MYO16: variants seen among roughly 807,000 people sequenced by gnomAD.
The protein encoded by MYO16 is unconventional myosin-XVI.
A neutral mutation model predicts 205.3 loss-of-function variants in MYO16; 94 were observed. That is an observed-to-expected ratio of 0.46 (90% CI 0.39 to 0.54). The LOEUF (loss-of-function observed/expected upper bound fraction) is 0.54. Ranked by LOEUF, MYO16 falls within the 20% of genes least tolerant of loss-of-function variation. MYO16 has a pLI of 0.00. For missense variants in MYO16, 2,315 were observed against 2,387.5 expected (o/e 0.97, Z 0.63); for synonymous variants, 988 against 954.0 (o/e 1.04, Z -0.66).
chr13:108,793,879 C>T (rs146839381), intron 6 of MYO16, among the ~76,000 whole-genome samples: 10 of 152,100 alleles, frequency 6.6e-5, no homozygotes, highest in Non-Finnish European at 8.8e-5. Context: ...CACACGCATG[C>T]GTATGTTCAT....
At chr13:109,169,451 TTG>T (rs1878839249) in intron 33 of MYO16, among the ~76,000 whole-genome samples, 1 of 152,144 alleles carries the variant, frequency 6.6e-6, no homozygotes, top group Non-Finnish European at 1.5e-5. Context: ...AACAATAAGA[TTG>T]AAAATTTTCT....
At chr13:108,930,208 A>G (rs1882194958) in intron 16 of MYO16, among the ~76,000 whole-genome samples, 1 of 152,204 alleles carries the variant, frequency 6.6e-6, no homozygotes, top group Admixed American at 6.5e-5. Context: ...GTTTATTTGT[A>G]AAAAGCAAAA....
rs540287357 is a variant in MYO16, at chr13:109,022,725, A to ATG, written c.2796+2815_2796+2816insGT. ...ATATATTATATATACGCATATAAACATATGTATATATTATATATATGCATA... is the reference window on the plus strand; with the variant it reads ...ATATATTATATATACGCATATAAACATGTATGTATATATTATATATATGCATA... On this transcript the variant is annotated intron_variant, in intron 23 of 34. Transcript: ENST00000457511. Among the ~76,000 whole-genome samples, 181 of 56,968 alleles carry ATG rather than the reference A, an allele frequency of 3.2e-3. 22 individuals carry two copies. In the East Asian group the frequency reaches 0.065, roughly 20 times the overall value. 37.4% of individuals were successfully genotyped at this position (56,968 alleles called of 152,430 possible).
At chr13:109,158,364 C>T (rs931202258) in intron 32 of MYO16, among the ~76,000 whole-genome samples, 1 of 152,188 alleles carries the variant, frequency 6.6e-6, no homozygotes, top group Non-Finnish European at 1.5e-5. Context: ...AGAGAAGTTC[C>T]TCTTCTCGCC....
intron 15 of MYO16, among the ~76,000 whole-genome samples, chr13:108,909,273 A>ATATTT (rs10641666): frequency 0.13 from 20,447 of 151,892 alleles, 2,520 homozygotes; most frequent in African/African-American, 0.32. Flanking sequence ...GCATTGGGTT[A>ATATTT]TATTTTATTT....
At chr13:108,723,848 T>C (rs1051970005) in intron 3 of MYO16, among the ~76,000 whole-genome samples, 2 of 151,842 alleles carry the variant, frequency 1.3e-5, no homozygotes, top group Admixed American at 6.6e-5. Flanking sequence ...CTTTTCAATA[T>C]CTATAAAAAA....
At chr13:109,088,661 G>T (rs1021754520) in intron 27 of MYO16, among the ~76,000 whole-genome samples, 4 of 152,208 alleles carry the variant, frequency 2.6e-5, no homozygotes, top group Non-Finnish European at 4.4e-5. Flanking sequence ...TGCGGATGCG[G>T]TGCCTGAGAG....
chr13:108,781,563 C>A (rs979020887), intron 4 of MYO16, among the ~76,000 whole-genome samples: 4 of 152,206 alleles, frequency 2.6e-5, no homozygotes, highest in Non-Finnish European at 4.4e-5. Context: ...TCTCTCTGGG[C>A]ATTAGCGAGC....
intron 6 of MYO16, among the ~76,000 whole-genome samples, chr13:108,806,073 T>G (rs1050018935): frequency 6.6e-6 from 1 of 152,054 alleles, no homozygotes; most frequent in African/African-American, 2.4e-5. Context: ...ATTCCACCAC[T>G]GCACTCCAGC....
chr13:108,959,171 A>G (rs1883488673), intron 17 of MYO16, among the ~76,000 whole-genome samples: 1 of 152,070 alleles, frequency 6.6e-6, no homozygotes, highest in African/African-American at 2.4e-5. Context: ...AGGAGCCTGC[A>G]ATCACATGGC....
upstream of MYO16, among the ~76,000 whole-genome samples, chr13:108,591,888 T>G (rs1009177305): frequency 2.6e-5 from 4 of 152,106 alleles, no homozygotes; most frequent in Non-Finnish European, 5.9e-5. Context: ...TACCCTGACT[T>G]GTCTCTTTTT....
intron 1 of MYO16, among the ~76,000 whole-genome samples, chr13:108,597,332 C>T (rs1245827225): frequency 6.6e-6 from 1 of 152,196 alleles, no homozygotes; most frequent in African/African-American, 2.4e-5. Context: ...CCTAGTTTTG[C>T]ACCCCAGAGC....
In MYO16 at chr13:109,059,533, A is replaced by T. The variant is rs560302900; in HGVS notation, c.3335+3938A>T. 1.3e-4 allele frequency among the ~76,000 whole-genome samples: 20 copies of T among 152,182 alleles called. No individual in the cohort carries two copies. In the South Asian group the frequency reaches 3.1e-3, roughly 24 times the overall value. On this transcript the variant is annotated intron_variant, in intron 27 of 34. Transcript: ENST00000457511. The stretch of plus-strand genomic sequence containing the variant: ...GCTGTAAATTGATGTGCTTTTTTTC[A>T]TATGTTTGTTGGCCGCATAAATGTC...
intron 33 of MYO16, among the ~76,000 whole-genome samples, chr13:109,170,996 T>C (rs1594155308): frequency 6.6e-6 from 1 of 152,226 alleles, no homozygotes; most frequent in East Asian, 1.9e-4. Context: ...ATTATTTCAA[T>C]TGGAAATTCA....
At chr13:109,145,106 A>C (rs1347955957) in intron 32 of MYO16, among the ~76,000 whole-genome samples, 1 of 152,240 alleles carries the variant, frequency 6.6e-6, no homozygotes, top group Non-Finnish European at 1.5e-5. Flanking sequence ...TCTGAGAAGA[A>C]ATATTTGCAG....
chr13:108,673,266 C>T (rs1380185749), intron 2 of MYO16, among the ~76,000 whole-genome samples: 1 of 152,080 alleles, frequency 6.6e-6, no homozygotes, highest in East Asian at 1.9e-4. Context: ...GAGCTCTCTG[C>T]CTGCTGTCAA....
At chr13:109,130,598 C>T (rs1219893567) in intron 31 of MYO16, among the ~76,000 whole-genome samples, 1 of 152,208 alleles carries the variant, frequency 6.6e-6, no homozygotes, top group Non-Finnish European at 1.5e-5. Flanking sequence ...AGGAGCTTAG[C>T]CACTCAGTCT....
chr13:108,585,964 T>TAACCTCCCC, the MYO16 span, among the ~76,000 whole-genome samples: 134,556 of 151,908 alleles, frequency 0.89, 61,607 homozygotes, highest in Non-Finnish European at 1. Context: ...CAAAATATTT[T>TAACCTCCCC]AAGACTTGAT....
intron 32 of MYO16, among the ~76,000 whole-genome samples, chr13:109,142,038 G>A (rs1232189548): frequency 6.6e-6 from 1 of 152,216 alleles, no homozygotes; most frequent in Non-Finnish European, 1.5e-5. Context: ...TGAGCTCCAT[G>A]ACAGGCTGTT....
Sources: gnomAD v4.1 joint callset for allele counts (sites outside exome capture counted in the v4.1 genomes callset) on GRCh38, gnomAD v4.1.1 for gene constraint, MANE v1.5 for transcripts, NCBI Gene and HGNC (gene_info 2026-07-23, HGNC 2026-07-21) for gene names.